The following CFAP119 variants were observed in gnomAD, a reference collection of about 807,000 sequenced individuals.
CFAP119 encodes cilia- and flagella-associated protein 119.
At chr16:30,758,531 A>G in the CFAP119 span, 1 of 199,806 alleles carries the variant, frequency 5.0e-6, no homozygotes, top group Non-Finnish European at 1.0e-5. Flanking sequence ...ATTTCTCTGG[A>G]GCCACTTCAG....
At chr16:30,761,338 A>T in the CFAP119 span, 1 of 1,518,850 alleles carries the variant, frequency 6.6e-7, no homozygotes, top group Non-Finnish European at 9.1e-7. Context: ...CTCAAGGACT[A>T]AGGAGAGGCG....
the CFAP119 span, chr16:30,762,039 C>CCCTCT: frequency 6.2e-6 from 3 of 480,548 alleles, no homozygotes; most frequent in Non-Finnish European, 1.1e-5. Context: ...CACCTGGGCG[C>CCCTCT]CCTCTCTTCC....
chr16:30,760,068 T>G, the CFAP119 span: 1 of 1,532,216 alleles, frequency 6.5e-7, no homozygotes, highest in Non-Finnish European at 8.7e-7. Context: ...TTTGCATATA[T>G]TATTTCTCAG....
the CFAP119 span, chr16:30,757,520 G>A: frequency 6.2e-7 from 1 of 1,614,198 alleles, no homozygotes; most frequent in East Asian, 2.2e-5. Flanking sequence ...AGCTGGAAGG[G>A]CCGCTCTAGT....
the CFAP119 span, chr16:30,757,869 C>G: frequency 7.5e-7 from 1 of 1,336,812 alleles, no homozygotes; most frequent in East Asian, 2.8e-5. Context: ...ATTCTGATCC[C>G]TACTCAGTAG....
chr16:30,759,184 C>T, the CFAP119 span: 11 of 1,614,222 alleles, frequency 6.8e-6, 1 homozygote, highest in South Asian at 1.1e-4. Flanking sequence ...TTACCCGTCT[C>T]ACTCTCTGGC....
chr16:30,762,032 C>G, the CFAP119 span: 1 of 491,020 alleles, frequency 2.0e-6, no homozygotes, highest in Non-Finnish European at 3.6e-6. Context: ...GAGTGCCCAC[C>G]TGGGCGCCCT....
the CFAP119 span, chr16:30,760,001 C>T: frequency 2.7e-6 from 4 of 1,466,932 alleles, no homozygotes; most frequent in Non-Finnish European, 3.6e-6. Context: ...ATTAAACATT[C>T]TGAAGCAAGA....
chr16:30,757,663 G>T, the CFAP119 span: 1 of 1,607,002 alleles, frequency 6.2e-7, no homozygotes, highest in South Asian at 1.1e-5. Flanking sequence ...GCCTGCAGGG[G>T]CAGGGAAGAA....
chr16:30,759,801 G>A, the CFAP119 span: 1 of 1,528,654 alleles, frequency 6.5e-7, no homozygotes, highest in East Asian at 2.3e-5. Context: ...AGCTGTTTAT[G>A]ACCATGAGCT....
chr16:30,759,065 A>G, the CFAP119 span: 3 of 1,614,156 alleles, frequency 1.9e-6, no homozygotes, highest in Non-Finnish European at 1.7e-6. Context: ...CTGCGGGGTA[A>G]CTGCCTGCTC....
chr16:30,759,081 T>A, the CFAP119 span: 16 of 1,614,066 alleles, frequency 9.9e-6, no homozygotes, highest in African/African-American at 2.0e-4. Context: ...TGCTCCTCCA[T>A]CTCCTTGCTT....
At chr16:30,757,529 G>C in the CFAP119 span, 2 of 1,614,252 alleles carry the variant, frequency 1.2e-6, no homozygotes, top group Non-Finnish European at 1.7e-6. Flanking sequence ...GGCCGCTCTA[G>C]TGCAGTCAAC....
At chr16:30,761,825 G>A in the CFAP119 span, 3 of 1,358,142 alleles carry the variant, frequency 2.2e-6, no homozygotes, top group Non-Finnish European at 2.9e-6. Context: ...CTCGGTCGGC[G>A]GCTACCAAGG....
chr16:30,759,132 C>CCCCAGGCCTGGCCCAG, the CFAP119 span: 1 of 1,614,208 alleles, frequency 6.2e-7, no homozygotes, highest in South Asian at 1.1e-5. Context: ...GAGACTGTGG[C>CCCCAGGCCTGGCCCAG]CCCAGGCCTG....
the CFAP119 span, chr16:30,760,134 A>G: frequency 6.4e-7 from 1 of 1,560,030 alleles, no homozygotes; most frequent in Non-Finnish European, 8.6e-7. Context: ...GAAGCAGTGG[A>G]TTGGAAAGCT....
At chr16:30,759,663 A>G in the CFAP119 span, 2 of 1,613,522 alleles carry the variant, frequency 1.2e-6, no homozygotes, top group African/African-American at 2.7e-5. Context: ...CCCTGACTCC[A>G]TGGCAAAAAA....
chr16:30,759,639 T>C, the CFAP119 span: 33 of 1,613,866 alleles, frequency 2.0e-5, no homozygotes, highest in Non-Finnish European at 2.7e-5. Context: ...TCCAGAATGT[T>C]CCAGGGGAAC....
At chr16:30,761,592 C>A in the CFAP119 span, 1 of 1,536,180 alleles carries the variant, frequency 6.5e-7, no homozygotes, top group Non-Finnish European at 8.7e-7. Flanking sequence ...GCCGCCGCCG[C>A]CGTCGTCCAC....
Sources: allele counts gnomAD v4.1 joint callset, GRCh38; gene constraint gnomAD v4.1.1; transcripts MANE v1.5; gene names NCBI Gene and HGNC (gene_info 2026-07-23, HGNC 2026-07-21).